Variants in PPP2CA observed in about 807,000 individuals in gnomAD.
PPP2CA encodes serine/threonine-protein phosphatase 2A catalytic subunit alpha isoform.
Under a neutral mutation model 38.8 loss-of-function variants are expected in PPP2CA, and 5 were observed. That is an observed-to-expected ratio of 0.13 (90% CI 0.07 to 0.27). The LOEUF is 0.27. Among genes scored for constraint, PPP2CA ranks in the 10% least tolerant of loss-of-function variants. PPP2CA has a pLI of 1.00. For missense variants in PPP2CA, 88 were observed against 389.7 expected (o/e 0.23, Z 6.52); for synonymous variants, 152 against 134.0 (o/e 1.13, Z -0.93).
intron 1 of PPP2CA, among the ~76,000 whole-genome samples, chr5:134,215,729 A>AG (rs1762304444): frequency 6.6e-6 from 1 of 152,216 alleles, no homozygotes; most frequent in South Asian, 2.1e-4. Context: ...GTAAGTCACC[A>AG]GGCCTAGCCT....
At chr5:134,217,518 A>G (rs1033751083) in intron 1 of PPP2CA, among the ~76,000 whole-genome samples, 5 of 152,208 alleles carry the variant, frequency 3.3e-5, no homozygotes, top group African/African-American at 1.2e-4. Flanking sequence ...ACAGGCAAAA[A>G]AAATTTTTTC....
intron 1 of PPP2CA, among the ~76,000 whole-genome samples, chr5:134,219,104 T>C (rs1156660077): frequency 2.0e-5 from 3 of 152,228 alleles, no homozygotes; most frequent in African/African-American, 7.2e-5. Flanking sequence ...TACAGATTAG[T>C]GGCAGAAAAA....
At chr5:134,217,050 G>C (rs1006069420) in intron 1 of PPP2CA, among the ~76,000 whole-genome samples, 9 of 152,224 alleles carry the variant, frequency 5.9e-5, no homozygotes, top group Admixed American at 5.9e-4. Context: ...GGGAGGCCAA[G>C]GCAGGCAGAT....
rs1047115509 is a variant in PPP2CA at position 134,194,960 on chromosome 5, T to G, written c.*2812A>C. 8 of 152,158 alleles carry G rather than the reference T, an allele frequency of 5.3e-5. No homozygotes were observed. The highest frequency in any genetic ancestry group is 1.9e-4 in the African/African-American group (8 of 41,438). 9.4% of individuals were successfully genotyped at this position (152,158 alleles called of 1,614,324 possible). A position where few individuals can be genotyped will look rare whatever the true frequency, so the allele number is the denominator to read the frequency against. ...TCACTTGGGAAACTTAAAAAATGTA[T>G]GCCTGGGCCCTCCTCCAGCAATTTA... On this transcript the variant is annotated 3_prime_UTR_variant, in exon 7 of 7. Transcript: ENST00000481195.
intron 1 of PPP2CA, among the ~76,000 whole-genome samples, chr5:134,218,823 C>T (rs1351566265): frequency 6.6e-6 from 1 of 152,088 alleles, no homozygotes; most frequent in Admixed American, 6.6e-5. Flanking sequence ...CGCCCACCAC[C>T]ATGCCTGGCT....
chr5:134,197,872 A>G, intron 6 of PPP2CA, 28 bp from the exon 7 acceptor site: 1 of 1,592,738 alleles, frequency 6.3e-7, no homozygotes. Flanking sequence ...TTCATGGTTT[A>G]TGTTCCACGA....
chr5:134,208,556 T>G (rs539124098), intron 1 of PPP2CA, among the ~76,000 whole-genome samples: 1 of 152,040 alleles, frequency 6.6e-6, no homozygotes, highest in Non-Finnish European at 1.5e-5. Flanking sequence ...CTCCTCAATT[T>G]GTAACACAGC....
In PPP2CA at chr5:134,225,935, C is replaced by G; in HGVS notation, c.-74G>C. 1 of 1,360,112 alleles carries G rather than the reference C, an allele frequency of 7.4e-7. No homozygotes were observed. Among genetic ancestry groups the G allele is most frequent in the Admixed American group, 1.9e-5 (1 of 52,866 alleles). The allele number at this position is 1,360,112 out of a possible 1,614,324, so 84.3% of individuals were successfully genotyped here. On this transcript the variant is annotated 5_prime_UTR_variant, in exon 1 of 7. Coordinates refer to ENST00000481195, the MANE Select transcript of PPP2CA (RefSeq NM_002715.4). ...CCGCCCGCACACGGGCCTACACGCACACGCCGCCGCCGGTTCCTCGTGTAC... is the reference window on the plus strand; with the variant it reads ...CCGCCCGCACACGGGCCTACACGCAGACGCCGCCGCCGGTTCCTCGTGTAC...
rs1046552636 is a variant in PPP2CA, at chr5:134,205,955, T to C, written c.279A>G (p.Ser93=). The change falls in exon 2 of 7, where the codon TCA becomes TCG. Residue 93 remains serine, a synonymous_variant. Transcript: ENST00000481195. ...CTACAAGCAGTGTAACTGTTTCAAC[T>C]GAATAATATCCTCTGTCAACATAAT... ...MGDYVDRGYY[S]VETVTLLVAL... is the part of the protein sequence containing the mutation. The C allele has an allele frequency of 2.5e-6, 4 of 1,614,126 alleles. No homozygotes were observed. Among genetic ancestry groups the C allele is most frequent in the Admixed American group, 3.3e-5 (2 of 60,030 alleles).
At position 134,197,751 on chromosome 5, in the gene PPP2CA, CT is replaced by C. The variant is rs1561732488; in HGVS notation, c.*20del. The C allele has an allele frequency of 6.3e-7, 1 of 1,593,686 alleles. No homozygotes were observed. The highest frequency in any genetic ancestry group is 1.1e-5 in the South Asian group (1 of 90,512). Reference sequence around the variant, plus strand: ...GGTCGATATATGGTTCATGGCAATACTGTACAAGTTTAAAATTTCATTACAG... The same window carrying C: ...GGTCGATATATGGTTCATGGCAATACGTACAAGTTTAAAATTTCATTACAG... On this transcript the variant is annotated 3_prime_UTR_variant, in exon 7 of 7. Transcript: ENST00000481195.
chr5:134,196,229 A>G lies in PPP2CA; in HGVS notation c.*1543T>C, dbSNP rs770833257. On this transcript the variant is annotated 3_prime_UTR_variant, in exon 7 of 7. Transcript: ENST00000481195. ...AAGCATTTTAGAAAGGGGATATGCTATAACTTCCCTGTTGGTTCCAGATTC... is the reference window on the plus strand; with the variant it reads ...AAGCATTTTAGAAAGGGGATATGCTGTAACTTCCCTGTTGGTTCCAGATTC... 2 of 152,248 alleles carry G rather than the reference A, an allele frequency of 1.3e-5. No homozygotes were observed. Among genetic ancestry groups the G allele is most frequent in the African/African-American group, 2.4e-5 (1 of 41,456 alleles). 9.4% of individuals were successfully genotyped at this position (152,248 alleles called of 1,614,324 possible).
At chr5:134,212,820 G>A (rs970020400) in intron 1 of PPP2CA, among the ~76,000 whole-genome samples, 1 of 152,188 alleles carries the variant, frequency 6.6e-6, no homozygotes, top group African/African-American at 2.4e-5. Context: ...TTAGTGGTCT[G>A]GATAGATCAA....
chr5:134,199,893 C>T (rs1259619596), intron 5 of PPP2CA, among the ~76,000 whole-genome samples: 10 of 152,038 alleles, frequency 6.6e-5, no homozygotes, highest in Admixed American at 5.9e-4. Flanking sequence ...ATCAGTGTGC[C>T]ATGTCAAGAA....
At position 134,201,893 on chromosome 5, in the gene PPP2CA, T is replaced by G. The variant is rs998980438; in HGVS notation, c.441A>C (p.Thr147=). 6.2e-7 allele frequency: 1 copy of G among 1,614,012 alleles called. No individual in the cohort carries two copies. The highest frequency in any genetic ancestry group is 1.7e-5 in the Admixed American group (1 of 59,994). Residue 147 remains threonine, a synonymous_variant, in exon 3 of 7, where the codon ACA becomes ACC. Coordinates refer to ENST00000481195, the MANE Select transcript of PPP2CA (RefSeq NM_002715.4). The part of the protein sequence containing the change: ...YGNANVWKYF[T]DLFDYLPLTA... Reference sequence around the variant, plus strand: ...TGAGAGGAAGATAGTCAAAAAGATCTGTAAAATATTTCCAAACATTTGCAT... The same window carrying G: ...TGAGAGGAAGATAGTCAAAAAGATCGGTAAAATATTTCCAAACATTTGCAT...
rs6596170 is a variant in PPP2CA, at chr5:134,194,839, A to C, written c.*2933T>G. 132,760 of 152,122 alleles carry C rather than the reference A, an allele frequency of 0.87. 58,265 individuals are homozygous for C. The highest frequency in any genetic ancestry group is 0.92 in the Middle Eastern group (270 of 294). 9.4% of individuals were successfully genotyped at this position (152,122 alleles called of 1,614,324 possible). A position where few individuals can be genotyped will look rare whatever the true frequency, so the allele number is the denominator to read the frequency against. On this transcript the variant is annotated 3_prime_UTR_variant, in exon 7 of 7. Coordinates refer to ENST00000481195, the MANE Select transcript of PPP2CA (RefSeq NM_002715.4). ...GCCAGGCTGGTCTCGATCTCCTGACATCAGGTGATCCACCCACCCCGGCCT... is the reference window on the plus strand; with the variant it reads ...GCCAGGCTGGTCTCGATCTCCTGACCTCAGGTGATCCACCCACCCCGGCCT...
chr5:134,205,637 C>G (rs1025047459), intron 2 of PPP2CA: 1 of 320,720 alleles, frequency 3.1e-6, no homozygotes, highest in African/African-American at 2.1e-5. Flanking sequence ...CCTACCTCAG[C>G]GTCCCAAAGT....
chr5:134,212,376 T>TG lies in PPP2CA; in HGVS notation c.103-6246dup, dbSNP rs573956166. ...ATCTGTTATGGTGATATGTGATCAG[T>TG]GATCTTTGATGTTACTATTGTAATT... On this transcript the variant is annotated intron_variant, in intron 1 of 6. Coordinates refer to ENST00000481195, the MANE Select transcript of PPP2CA (RefSeq NM_002715.4). Among the ~76,000 whole-genome samples, 7 of 152,338 alleles carry TG rather than the reference T, an allele frequency of 4.6e-5. No individual in the cohort carries two copies. In the East Asian group the frequency reaches 1.3e-3, roughly 29 times the overall value.
intron 3 of PPP2CA, among the ~76,000 whole-genome samples, chr5:134,201,318 G>C (rs2072494): frequency 6.6e-6 from 1 of 152,154 alleles, no homozygotes; most frequent in East Asian, 1.9e-4. Flanking sequence ...TGCTCTGCCT[G>C]AATGAGACTT....
chr5:134,219,010 T>A (rs1312915209), intron 1 of PPP2CA, among the ~76,000 whole-genome samples: 1 of 152,158 alleles, frequency 6.6e-6, no homozygotes, highest in African/African-American at 2.4e-5. Context: ...ACTAGAATTC[T>A]ACCCCATCCT....
Sources: allele counts gnomAD v4.1 joint callset (sites outside exome capture counted in the v4.1 genomes callset), GRCh38; gene constraint gnomAD v4.1.1; transcripts MANE v1.5; gene names NCBI Gene and HGNC (gene_info 2026-07-23, HGNC 2026-07-21).